AJAP1: variants seen among roughly 807,000 people sequenced by gnomAD.
AJAP1 encodes adherens junction-associated protein 1.
A neutral mutation model predicts 35.0 loss-of-function variants in AJAP1; 5 were observed. The observed-to-expected ratio is 0.14, with a 90% CI of 0.07 to 0.30. The LOEUF (loss-of-function observed/expected upper bound fraction) is 0.30. Ranked by LOEUF, AJAP1 falls within the 10% of genes least tolerant of loss-of-function variation. The pLI, the probability that AJAP1 is intolerant of heterozygous loss-of-function variation, is 1.00. For synonymous variants in AJAP1, 284 were observed against 249.3 expected (o/e 1.14, Z -1.31); for missense variants, 586 against 571.0 (o/e 1.03, Z -0.27).
intron 1 of AJAP1, among the ~76,000 whole-genome samples, chr1:4,664,048 G>A (rs1345838493): frequency 2.0e-5 from 3 of 152,118 alleles, no homozygotes; most frequent in Admixed American, 6.5e-5. Context: ...TGCCCGTGCC[G>A]TATCTTAACT....
chr1:4,688,538 C>T (rs1172992973), intron 1 of AJAP1, among the ~76,000 whole-genome samples: 2 of 151,854 alleles, frequency 1.3e-5, no homozygotes, highest in African/African-American at 2.4e-5. Flanking sequence ...TTTGGGAGGC[C>T]GAGGCAGGCG....
intron 5 of AJAP1, among the ~76,000 whole-genome samples, chr1:4,779,836 A>G (rs1642025729): frequency 6.6e-6 from 1 of 152,038 alleles, no homozygotes. Flanking sequence ...TGTAGTAAAT[A>G]TATGTAACAT....
intron 2 of AJAP1, among the ~76,000 whole-genome samples, chr1:4,759,160 C>T (rs1170286828): frequency 6.6e-6 from 1 of 152,172 alleles, no homozygotes; most frequent in East Asian, 1.9e-4. Context: ...ATCCCTTGCT[C>T]CTCCTTCTCG....
intron 1 of AJAP1, among the ~76,000 whole-genome samples, chr1:4,690,184 G>A (rs1362297838): frequency 6.6e-6 from 1 of 152,198 alleles, no homozygotes; most frequent in Non-Finnish European, 1.5e-5. Flanking sequence ...GGAGGCCCGA[G>A]GAGGGGATGC....
At position 4,713,929 on chromosome 1, in the gene AJAP1, G is replaced by A. The variant is rs149008549; in HGVS notation, c.829+1230G>A. 1.1e-3 allele frequency among the ~76,000 whole-genome samples: 175 copies of A among 152,296 alleles called. 2 individuals are homozygous for A. The East Asian group carries it at 0.018, about 16-fold the overall frequency. On this transcript the variant is annotated intron_variant, in intron 2 of 5. Coordinates refer to ENST00000378191, the MANE Select transcript of AJAP1 (RefSeq NM_018836.4). ...TGCTCTTCAGAGCTCATGTGCAGGC[G>A]GCCGGCATGGCATCCAGGCCCTCTG...
At chr1:4,781,462 C>T (rs900631187) in intron 5 of AJAP1, among the ~76,000 whole-genome samples, 1 of 152,212 alleles carries the variant, frequency 6.6e-6, no homozygotes, top group Non-Finnish European at 1.5e-5. Flanking sequence ...ATGACGGAGC[C>T]GGTCTGGCCG....
intron 2 of AJAP1, among the ~76,000 whole-genome samples, chr1:4,757,823 G>T (rs1302302388): frequency 6.6e-6 from 1 of 152,168 alleles, no homozygotes; most frequent in African/African-American, 2.4e-5. Context: ...AGTGAAGAGT[G>T]CTTTTCTATA....
chr1:4,712,232 C>A lies in AJAP1; in HGVS notation c.362C>A (p.Pro121Gln). The A allele has an allele frequency of 1.3e-6, 2 of 1,535,948 alleles. No homozygotes were observed. Among genetic ancestry groups the A allele is most frequent in the East Asian group, 2.3e-5 (1 of 43,528 alleles). The change falls in exon 2 of 6, where the codon CCA becomes CAA. Residue 121 changes from proline (P) to glutamine (Q), a missense_variant. Transcript: ENST00000378191. ...CCCAAGGCAGGACTGGCCAAGCCCC[C>A]AGCTGCTGCCAAATCCAGCCCTTCC... ...LVPKAGLAKPPAAAKSSPSLA... is the reference protein window; with the variant it reads ...LVPKAGLAKPQAAAKSSPSLA...
intron 1 of AJAP1, among the ~76,000 whole-genome samples, chr1:4,697,799 C>G (rs559128831): frequency 1.3e-5 from 2 of 152,352 alleles, no homozygotes; most frequent in East Asian, 3.9e-4. Context: ...GCCACCTCAG[C>G]AAAGGCAGGG....
At chr1:4,683,054 C>T (rs1368031738) in intron 1 of AJAP1, among the ~76,000 whole-genome samples, 2 of 152,226 alleles carry the variant, frequency 1.3e-5, no homozygotes, top group African/African-American at 4.8e-5. Context: ...TCCAAGTGCC[C>T]TGCTCGCCAG....
At chr1:4,778,839 G>A (rs191931125) in intron 5 of AJAP1, among the ~76,000 whole-genome samples, 20 of 152,236 alleles carry the variant, frequency 1.3e-4, no homozygotes, top group East Asian at 7.7e-4. Flanking sequence ...CATTAGGGAC[G>A]GGTCTTAGCG....
chr1:4,679,718 G>T (rs1639434242), intron 1 of AJAP1, among the ~76,000 whole-genome samples: 1 of 151,924 alleles, frequency 6.6e-6, no homozygotes, highest in Non-Finnish European at 1.5e-5. Context: ...CACTTCACAT[G>T]GCCTTCTCCC....
intron 1 of AJAP1, among the ~76,000 whole-genome samples, chr1:4,699,324 G>T (rs1369879393): frequency 6.6e-6 from 1 of 152,240 alleles, no homozygotes; most frequent in Non-Finnish European, 1.5e-5. Flanking sequence ...CCACGTACTT[G>T]TTTCCAGAGG....
chr1:4,679,359 G>A (rs1319374596), intron 1 of AJAP1, among the ~76,000 whole-genome samples: 2 of 151,946 alleles, frequency 1.3e-5, no homozygotes, highest in African/African-American at 4.8e-5. Flanking sequence ...ACAAATAGCA[G>A]GCACAGGAGA....
At chr1:4,662,623 G>T (rs1220780851) in intron 1 of AJAP1, among the ~76,000 whole-genome samples, 3 of 152,192 alleles carry the variant, frequency 2.0e-5, no homozygotes, top group African/African-American at 7.2e-5. Flanking sequence ...TCAGTGCTCG[G>T]TGGGGCCGCA....
Position 4,790,999 on chromosome 1 carries a change from CTCTT to C in AJAP1, c.*8521_*8524del. On this transcript the variant is annotated 3_prime_UTR_variant, in exon 6 of 6. Coordinates refer to ENST00000378191, the MANE Select transcript of AJAP1 (RefSeq NM_018836.4). ...GGCATCCCAATTTGGATCATTTCCT[CTCTT>C]TCTTTCCTGGAGAAACAGGATGGCA... is the stretch of plus-strand genomic sequence containing the variant. The C allele has an allele frequency of 6.6e-6, 1 of 152,100 alleles. No individual in the cohort carries two copies. The highest frequency in any genetic ancestry group is 1.5e-5 in the Non-Finnish European group (1 of 68,028). The allele number at this position is 152,100 out of a possible 1,614,324, so 9.4% of individuals were successfully genotyped here.
In AJAP1 at chr1:4,711,888, C is replaced by G. The variant is rs551223535; in HGVS notation, c.30-12C>G. On this transcript the variant is annotated splice_polypyrimidine_tract_variant and intron_variant, in intron 1 of 5. Coordinates refer to ENST00000378191, the MANE Select transcript of AJAP1 (RefSeq NM_018836.4). ...CCACTGACCGCTCTTCTCTCCTTTC[C>G]CCCCCGCACAGCTCCATGTCCATCC... is the stretch of plus-strand genomic sequence containing the variant. 5.5e-6 allele frequency: 8 copies of G among 1,451,358 alleles called. No individual in the cohort carries two copies. In the African/African-American group the frequency reaches 5.9e-5, roughly 11 times the overall value. 89.9% of individuals were successfully genotyped at this position (1,451,358 alleles called of 1,614,324 possible).
intron 2 of AJAP1, among the ~76,000 whole-genome samples, chr1:4,728,351 T>C (rs112352131): frequency 2.6e-5 from 4 of 152,078 alleles, no homozygotes; most frequent in African/African-American, 9.7e-5. Flanking sequence ...CCAAACTCCC[T>C]TTTTCCCTGG....
rs1397254211 is a variant in AJAP1 at position 4,655,284 on chromosome 1, G to A, written c.-142G>A. ...GCGCGGCCGCGCTCTGACTCGCTGT[G>A]CGCCCCGCGGCCGGCGGGCGGCGGG... is the stretch of plus-strand genomic sequence containing the variant. On this transcript the variant is annotated 5_prime_UTR_variant, in exon 1 of 6. Coordinates refer to ENST00000378191, the MANE Select transcript of AJAP1 (RefSeq NM_018836.4). The surrounding 1 kb of genome is among the most constrained non-coding windows in gnomAD (Gnocchi z 6.9). 5.8e-6 allele frequency: 3 copies of A among 516,368 alleles called. No homozygotes were observed. The East Asian group carries it at 3.5e-4, about 61-fold the overall frequency. 32.0% of individuals were successfully genotyped at this position (516,368 alleles called of 1,614,324 possible).
Sources: allele counts gnomAD v4.1 joint callset (sites outside exome capture counted in the v4.1 genomes callset), GRCh38; gene constraint gnomAD v4.1.1; non-coding constraint Gnocchi (gnomAD v3.1); transcripts MANE v1.5; gene names NCBI Gene and HGNC (gene_info 2026-07-23, HGNC 2026-07-21).